Variants in SLC9D1 observed in about 807,000 individuals in gnomAD.
The protein encoded by SLC9D1 is solute carrier family 9 member D1.
the SLC9D1 span, chr13:113,495,904 A>G: frequency 2.5e-6 from 4 of 1,614,152 alleles, no homozygotes; most frequent in Admixed American, 1.7e-5. Context: ...GAAAGTGAAA[A>G]TTCCGTTTTC....
the SLC9D1 span, among the ~76,000 whole-genome samples, chr13:113,540,713 G>T: frequency 6.6e-6 from 1 of 152,316 alleles, no homozygotes; most frequent in East Asian, 1.9e-4. Flanking sequence ...TGCTTTGCTG[G>T]GCGGAAGCTC....
chr13:113,510,961 C>T, the SLC9D1 span, among the ~76,000 whole-genome samples: 13 of 151,994 alleles, frequency 8.6e-5, no homozygotes, highest in Non-Finnish European at 1.2e-4. Flanking sequence ...TAGGCAGGAC[C>T]GTGTCCCTCT....
the SLC9D1 span, among the ~76,000 whole-genome samples, chr13:113,523,396 G>A: frequency 6.6e-6 from 1 of 152,110 alleles, no homozygotes; most frequent in Non-Finnish European, 1.5e-5. Flanking sequence ...TTAGCTTTTT[G>A]AGGAATTGTT....
At chr13:113,549,722 G>C in the SLC9D1 span, 8 of 793,744 alleles carry the variant, frequency 1.0e-5, no homozygotes, top group Non-Finnish European at 1.1e-5. Flanking sequence ...AGAATTTTCC[G>C]GAGTAGTTTA....
the SLC9D1 span, chr13:113,498,446 T>G: frequency 1.3e-5 from 21 of 1,589,622 alleles, no homozygotes; most frequent in Admixed American, 7.7e-5. Flanking sequence ...TTGACGAGAT[T>G]CTTGAAGATG....
chr13:113,520,068 A>C, the SLC9D1 span, among the ~76,000 whole-genome samples: 1 of 152,234 alleles, frequency 6.6e-6, no homozygotes, highest in Admixed American at 6.5e-5. Flanking sequence ...GAGATTTTTC[A>C]ATAATTATAT....
the SLC9D1 span, among the ~76,000 whole-genome samples, chr13:113,513,713 TAA>T: frequency 1.3e-5 from 2 of 152,144 alleles, no homozygotes; most frequent in Non-Finnish European, 2.9e-5. Flanking sequence ...ACAGAGTTCA[TAA>T]AAAGACTCCA....
At chr13:113,524,061 A>G in the SLC9D1 span, 1 of 455,384 alleles carries the variant, frequency 2.2e-6, no homozygotes, top group South Asian at 1.6e-5. Flanking sequence ...CTCCAAAGTC[A>G]CTTGGGAGGA....
chr13:113,519,754 A>C, the SLC9D1 span, among the ~76,000 whole-genome samples: 1 of 148,984 alleles, frequency 6.7e-6, no homozygotes, highest in Non-Finnish European at 1.5e-5. Flanking sequence ...TTGGACACCA[A>C]GTCTGTCTTG....
chr13:113,515,781 C>T, the SLC9D1 span, among the ~76,000 whole-genome samples: 1 of 150,754 alleles, frequency 6.6e-6, no homozygotes, highest in Non-Finnish European at 1.5e-5. Flanking sequence ...GTCCCAGCCA[C>T]TCAAGAGGCT....
At chr13:113,534,223 A>G in the SLC9D1 span, 1 of 1,613,330 alleles carries the variant, frequency 6.2e-7, no homozygotes, top group Non-Finnish European at 8.5e-7. Flanking sequence ...ATCTGCCTTT[A>G]TCTTCTTAAT....
chr13:113,501,881 G>T, the SLC9D1 span: 2 of 1,606,160 alleles, frequency 1.2e-6, no homozygotes, highest in Middle Eastern at 1.7e-4. Flanking sequence ...TAGTATTAAG[G>T]TAAGAACAAA....
At chr13:113,530,680 G>T in the SLC9D1 span, 1 of 152,062 alleles carries the variant, frequency 6.6e-6, no homozygotes, top group Non-Finnish European at 1.5e-5. Flanking sequence ...ATTCCTAGAG[G>T]AAAGAACTCT....
chr13:113,520,552 A>G, the SLC9D1 span: 34 of 1,138,808 alleles, frequency 3.0e-5, no homozygotes, highest in East Asian at 2.2e-4. Flanking sequence ...TACAATGGCA[A>G]TATTTTGACT....
At chr13:113,494,008 C>T in the SLC9D1 span, among the ~76,000 whole-genome samples, 2 of 152,164 alleles carry the variant, frequency 1.3e-5, no homozygotes, top group Admixed American at 1.3e-4. Flanking sequence ...CCTACTTTGC[C>T]TGGGAAACTC....
At chr13:113,499,984 T>A in the SLC9D1 span, 1 of 1,549,320 alleles carries the variant, frequency 6.5e-7, no homozygotes, top group African/African-American at 1.4e-5. Context: ...TTGAGGCAGT[T>A]CTGAGGGTGG....
the SLC9D1 span, among the ~76,000 whole-genome samples, chr13:113,494,648 A>G: frequency 7.2e-6 from 1 of 138,288 alleles, no homozygotes; most frequent in Non-Finnish European, 1.5e-5. Context: ...AGATCTAGGT[A>G]TTGTGGCATA....
At chr13:113,499,839 A>G in the SLC9D1 span, 9 of 517,632 alleles carry the variant, frequency 1.7e-5, no homozygotes, top group East Asian at 3.5e-5. Context: ...AAGAAGTCCT[A>G]ATTCACTGCT....
chr13:113,501,747 T>C, the SLC9D1 span: 1 of 1,607,074 alleles, frequency 6.2e-7, no homozygotes, highest in Non-Finnish European at 8.5e-7. Flanking sequence ...TATTTTATTC[T>C]TCAGGACATT....
Sources: gnomAD v4.1 joint callset for allele counts (sites outside exome capture counted in the v4.1 genomes callset) on GRCh38, gnomAD v4.1.1 for gene constraint, MANE v1.5 for transcripts, NCBI Gene and HGNC (gene_info 2026-07-23, HGNC 2026-07-21) for gene names.